VEPH1: variants seen among roughly 807,000 people sequenced by gnomAD.
The protein encoded by VEPH1 is ventricular zone-expressed PH domain-containing protein homolog 1.
In VEPH1, 80 loss-of-function variants were observed where a neutral mutation model predicts 85.2. The ratio of observed to expected loss-of-function variants is 0.94; its 90% CI spans 0.78 to 1.13. The LOEUF (loss-of-function observed/expected upper bound fraction) is 1.13. Ranked by LOEUF, VEPH1 falls within the 50% of genes most tolerant of loss-of-function variation. The pLI, the probability that VEPH1 is intolerant of heterozygous loss-of-function variation, is 0.00. For missense variants in VEPH1, 955 were observed against 980.5 expected (o/e 0.97, Z 0.35); for synonymous variants, 297 against 348.0 (o/e 0.85, Z 1.63).
intron 9 of VEPH1, among the ~76,000 whole-genome samples, chr3:157,356,189 A>T (rs867427749): frequency 6.3e-4 from 96 of 151,958 alleles, no homozygotes; most frequent in African/African-American, 2.2e-3. Context: ...GAGCCACCAC[A>T]CCGGGCCAAC....
chr3:157,419,529 C>T (rs1287698007), intron 5 of VEPH1, among the ~76,000 whole-genome samples: 1 of 152,218 alleles, frequency 6.6e-6, no homozygotes. Flanking sequence ...ATAGCCACTA[C>T]TCAAAAGAAG....
intron 7 of VEPH1, among the ~76,000 whole-genome samples, chr3:157,375,492 T>C (rs1727985762): frequency 6.6e-6 from 1 of 152,198 alleles, no homozygotes; most frequent in Non-Finnish European, 1.5e-5. Context: ...GTTGCTTGAG[T>C]ATACATTAGG....
chr3:157,438,073 C>CACA (rs1560062154), intron 4 of VEPH1, among the ~76,000 whole-genome samples: 1 of 136,752 alleles, frequency 7.3e-6, no homozygotes, highest in African/African-American at 2.6e-5. Flanking sequence ...ACACACACAC[C>CACA]CCTATTTCTG....
At chr3:157,323,778 T>C (rs1721606432) in intron 9 of VEPH1, among the ~76,000 whole-genome samples, 1 of 152,216 alleles carries the variant, frequency 6.6e-6, no homozygotes, top group Non-Finnish European at 1.5e-5. Context: ...CAAAGACCTA[T>C]GCTTTGACCC....
At chr3:157,381,434 GGTGGT>G in intron 6 of VEPH1, 58 bp from the exon 7 acceptor site, 4 of 1,566,406 alleles carry the variant, frequency 2.6e-6, no homozygotes, top group Non-Finnish European at 3.5e-6. Context: ...ATCCAGGCAT[GGTGGT>G]CATGCCTGTA....
At chr3:157,469,538 T>C (rs758994578) in intron 3 of VEPH1, among the ~76,000 whole-genome samples, 2 of 152,214 alleles carry the variant, frequency 1.3e-5, no homozygotes, top group African/African-American at 4.8e-5. Flanking sequence ...CAGCTTTCTT[T>C]ATTGCAGTAC....
chr3:157,349,248 C>T (rs913509094), intron 9 of VEPH1, among the ~76,000 whole-genome samples: 8 of 152,100 alleles, frequency 5.3e-5, no homozygotes, highest in African/African-American at 1.9e-4. Context: ...CAATAAATGT[C>T]ATAAATTATA....
At chr3:157,431,083 T>C (rs551744488) in intron 4 of VEPH1, among the ~76,000 whole-genome samples, 1 of 152,280 alleles carries the variant, frequency 6.6e-6, no homozygotes, top group Admixed American at 6.5e-5. Context: ...GGTTGGATCA[T>C]AAGGGTAGTT....
chr3:157,406,612 G>A (rs1321075102), intron 6 of VEPH1, among the ~76,000 whole-genome samples: 2 of 152,114 alleles, frequency 1.3e-5, no homozygotes, highest in Non-Finnish European at 1.5e-5. Context: ...GAAAAACAAG[G>A]CAGAGGGCAC....
intron 6 of VEPH1, among the ~76,000 whole-genome samples, chr3:157,391,552 A>C (rs1331533484): frequency 6.6e-6 from 1 of 152,246 alleles, no homozygotes; most frequent in Non-Finnish European, 1.5e-5. Context: ...GACACTGTGC[A>C]GTCCAAAGAC....
Position 157,260,661 on chromosome 3 carries a change from C to T in VEPH1, c.*473G>A, listed in dbSNP as rs1445156374. ...TATAAGTAAGTTATATGGTTTTTCTCAGTGTACATTAGTTCAACGTTTCTA... is the reference window on the plus strand; with the variant it reads ...TATAAGTAAGTTATATGGTTTTTCTTAGTGTACATTAGTTCAACGTTTCTA... On this transcript the variant is annotated 3_prime_UTR_variant, in exon 14 of 14. Transcript: ENST00000362010. 6.6e-6 allele frequency: 1 copy of T among 152,142 alleles called. No homozygotes were observed. Among genetic ancestry groups the T allele is most frequent in the African/African-American group, 2.4e-5 (1 of 41,314 alleles). The allele number at this position is 152,142 out of a possible 1,614,324, so 9.4% of individuals were successfully genotyped here.
intron 2 of VEPH1, among the ~76,000 whole-genome samples, chr3:157,477,049 G>A (rs1160259803): frequency 1.3e-5 from 2 of 152,154 alleles, no homozygotes; most frequent in Non-Finnish European, 2.9e-5. Context: ...TGTTATAGTT[G>A]CAAATAATTA....
At chr3:157,420,894 T>TA (rs1306081710) in intron 5 of VEPH1, among the ~76,000 whole-genome samples, 4 of 152,226 alleles carry the variant, frequency 2.6e-5, no homozygotes, top group African/African-American at 9.6e-5. Flanking sequence ...TTATATGTGT[T>TA]ACTAAACTCT....
chr3:157,388,062 A>G (rs1729493978), intron 6 of VEPH1, among the ~76,000 whole-genome samples: 3 of 152,194 alleles, frequency 2.0e-5, no homozygotes, highest in Admixed American at 2.0e-4. Flanking sequence ...GGGCATTTGT[A>G]TTTTACACCA....
At chr3:157,337,001 CAT>C (rs1723031230) in intron 9 of VEPH1, among the ~76,000 whole-genome samples, 1 of 152,030 alleles carries the variant, frequency 6.6e-6, no homozygotes, top group African/African-American at 2.4e-5. Flanking sequence ...TATTGTAAGA[CAT>C]AATATAAACA....
At chr3:157,370,841 T>C (rs1043549267) in intron 7 of VEPH1, among the ~76,000 whole-genome samples, 2 of 152,204 alleles carry the variant, frequency 1.3e-5, no homozygotes, top group Non-Finnish European at 2.9e-5. Flanking sequence ...CAGAATCTTA[T>C]GGGGAAAAGC....
intron 4 of VEPH1, among the ~76,000 whole-genome samples, chr3:157,450,264 C>G (rs1054673399): frequency 6.6e-6 from 1 of 151,724 alleles, no homozygotes; most frequent in Non-Finnish European, 1.5e-5. Flanking sequence ...GCTATGTTCC[C>G]GAGGCTGGTC....
At chr3:157,476,774 G>A (rs1461271207) in intron 2 of VEPH1, among the ~76,000 whole-genome samples, 1 of 152,204 alleles carries the variant, frequency 6.6e-6, no homozygotes, top group East Asian at 1.9e-4. Context: ...CCTGGCAGGA[G>A]TAATTAGCCA....
chr3:157,358,074 T>C (rs1017691341), intron 9 of VEPH1, among the ~76,000 whole-genome samples: 6 of 152,210 alleles, frequency 3.9e-5, no homozygotes, highest in Non-Finnish European at 8.8e-5. Context: ...GCAGAGAGTC[T>C]TTTCAAAAGG....
Sources: gnomAD v4.1 joint callset for allele counts (sites outside exome capture counted in the v4.1 genomes callset) on GRCh38, gnomAD v4.1.1 for gene constraint, MANE v1.5 for transcripts, NCBI Gene and HGNC (gene_info 2026-07-23, HGNC 2026-07-21) for gene names.